The following GNL3L variants were observed in gnomAD, a reference collection of about 807,000 sequenced individuals.
The protein encoded by GNL3L is guanine nucleotide-binding protein-like 3-like protein.
Under a neutral mutation model 42.9 loss-of-function variants are expected in GNL3L, and 4 were observed. The observed-to-expected ratio is 0.09, with a 90% confidence interval of 0.05 to 0.21. The LOEUF (loss-of-function observed/expected upper bound fraction) is 0.21. GNL3L is among the 10% of genes least tolerant of loss of function. The pLI is 1.00. For synonymous variants in GNL3L, 159 were observed against 176.3 expected (o/e 0.90, Z 0.78); for missense variants, 412 against 481.7 (o/e 0.86, Z 1.36).
In GNL3L at chrX:54,552,409, C is replaced by T. The variant is rs773541997; in HGVS notation, c.1299C>T (p.Ala433=). 11 of 1,208,585 alleles carry T rather than the reference C, an allele frequency of 9.1e-6. No individual in the cohort carries two copies. In the South Asian group the frequency reaches 1.8e-4, roughly 19 times the overall value. The change falls in exon 13 of 16, where the codon GCC becomes GCT. Residue 433 remains alanine (A), a synonymous_variant. Transcript: ENST00000360845. ...EVFDIEDTEQ[A]NEDTMECLAT... is the part of the protein sequence containing the mutation. ...TTGACATCGAGGATACTGAGCAGGC[C>T]AATGAAGACACCATGGAATGTAAGT...
chrX:54,640,968 A>G, the GNL3L span, among the ~76,000 whole-genome samples: 1 of 112,072 alleles, frequency 8.9e-6, no homozygotes, highest in East Asian at 2.8e-4. Flanking sequence ...AGCTTGAGCA[A>G]CTGGGTTGGA....
At chrX:54,541,441 C>T (rs145106579) in intron 5 of GNL3L, 52 bp downstream of exon 5, 35 of 738,553 alleles carry the variant, frequency 4.7e-5, no homozygotes, top group Non-Finnish European at 6.9e-5. Flanking sequence ...CATCTTTTGC[C>T]GTTTTTCTGT....
chrX:54,640,768 C>T, the GNL3L span, among the ~76,000 whole-genome samples: 1 of 112,182 alleles, frequency 8.9e-6, no homozygotes, highest in South Asian at 3.7e-4. Flanking sequence ...AAGCCAAGTC[C>T]GAAATCAAAC....
intron 16 of GNL3L, among the ~76,000 whole-genome samples, chrX:54,581,578 G>A (rs1198311370): frequency 8.9e-6 from 1 of 111,749 alleles, no homozygotes; most frequent in East Asian, 2.8e-4. Context: ...CTGTCATTAC[G>A]CCCTCTTTAA....
At position 54,537,661 on chromosome X, in the gene GNL3L, C is replaced by T. The variant is rs753256021; in HGVS notation, c.20-1379C>T. ...AAGAGACAGAGTCTCACTATGTTGC[C>T]TAGGCTGTTCTCGAACTCCTAGGGT... is the stretch of plus-strand genomic sequence containing the variant. On this transcript the variant is annotated intron_variant, in intron 2 of 15. Transcript: ENST00000360845. 2.6e-4 allele frequency among the ~76,000 whole-genome samples: 29 copies of T among 111,449 alleles called. No individual in the cohort carries two copies. In the South Asian group the frequency reaches 4.9e-3, roughly 19 times the overall value.
At chrX:54,569,491 TATC>T (rs200283549), downstream of GNL3L, among the ~76,000 whole-genome samples, 780 of 112,386 alleles carry the variant, frequency 6.9e-3, 9 homozygotes, top group African/African-American at 0.024. Flanking sequence ...AATATCCTCT[TATC>T]ATTTTGTATA....
chrX:54,631,857 A>G, the GNL3L span, among the ~76,000 whole-genome samples: 711 of 110,726 alleles, frequency 6.4e-3, 5 homozygotes, highest in African/African-American at 0.022. Flanking sequence ...TTATTGTTTT[A>G]TAGGCCCTGT....
Position 54,543,305 on chromosome X carries a change from A to G in GNL3L, c.489A>G (p.Gln163=). ...TGGAGGAGGCTGTCCTGCGAGCACA[A>G]GGCAACAAGAAGCTGGTCCTGGTCT... The part of the protein sequence containing the change: ...FQMEEAVLRA[Q]GNKKLVLVLN... Residue 163 remains glutamine, a synonymous_variant, in exon 7 of 16, where the codon CAA becomes CAG. Transcript: ENST00000360845. 8.3e-7 allele frequency: 1 copy of G among 1,210,788 alleles called. No individual in the cohort carries two copies.
In GNL3L at chrX:54,548,287, G is replaced by A. The variant is rs1924831181; in HGVS notation, c.689G>A (p.Cys230Tyr). 1 of 1,200,461 alleles carries A rather than the reference G, an allele frequency of 8.3e-7. No homozygotes were observed. Among genetic ancestry groups the A allele is most frequent in the African/African-American group, 1.8e-5 (1 of 56,819 alleles). The change falls in exon 9 of 16, where the codon TGC (cysteine) becomes TAC (tyrosine). Residue 230 changes from cysteine (C) to tyrosine (Y), a missense_variant. By Grantham distance (194) the Cys-to-Tyr change is radical. Transcript: ENST00000360845. ...GAGTCACTGCTGAAAAGCAAAGCCT[G>A]CTTTGGAGCTGAAAACCTCATGAGG... Reference protein sequence around the residue: ...ASESLLKSKACFGAENLMRVL... With the variant: ...ASESLLKSKAYFGAENLMRVL...
chrX:54,625,298 T>C (rs964772357), downstream of GNL3L, among the ~76,000 whole-genome samples: 4 of 109,686 alleles, frequency 3.6e-5, no homozygotes, highest in Non-Finnish European at 7.6e-5. Context: ...TGTTTTTTTT[T>C]TTTTTTAATA....
chrX:54,624,530 C>T (rs1403368424), downstream of GNL3L, among the ~76,000 whole-genome samples: 2 of 105,626 alleles, frequency 1.9e-5, no homozygotes, highest in Admixed American at 1.0e-4. Flanking sequence ...CTCCGTCTCC[C>T]GGGTTCAAGC....
chrX:54,546,097 G>C (rs957897229), intron 8 of GNL3L, among the ~76,000 whole-genome samples: 1 of 112,535 alleles, frequency 8.9e-6, no homozygotes, highest in South Asian at 3.6e-4. Context: ...CTGGCCTCAA[G>C]TGACCCTCCC....
chrX:54,601,416 G>A (rs1010283981), intron 16 of GNL3L, among the ~76,000 whole-genome samples: 1 of 111,484 alleles, frequency 9.0e-6, no homozygotes, highest in East Asian at 2.8e-4. Context: ...AACTTAACAC[G>A]CTGTATTTCC....
At chrX:54,644,982 G>A in the GNL3L span, among the ~76,000 whole-genome samples, 1 of 111,412 alleles carries the variant, frequency 9.0e-6, no homozygotes, top group Non-Finnish European at 1.9e-5. Context: ...TGTGTTCCTT[G>A]TTAGGTTTAT....
downstream of GNL3L, among the ~76,000 whole-genome samples, chrX:54,624,213 A>G (rs1013191352): frequency 3.6e-5 from 4 of 111,411 alleles, no homozygotes; most frequent in African/African-American, 1.3e-4. Flanking sequence ...GGCTGGGTGC[A>G]GGCATAAGCC....
In GNL3L at chrX:54,598,885, A is replaced by G. The variant is rs955044931; in HGVS notation, c.*46-21960A>G. ...TGAATAACTATAGACTACTTCAAAA[A>G]GATGTAGCATGAACATAATTGGAAT... On this transcript the variant is annotated intron_variant, in intron 16 of 16. Transcript: ENST00000674498. Among the ~76,000 whole-genome samples, 3 of 112,006 alleles carry G rather than the reference A, an allele frequency of 2.7e-5. No homozygotes were observed. The Admixed American group carries it at 2.9e-4, about 11-fold the overall frequency.
chrX:54,602,370 C>T (rs1266529281), intron 16 of GNL3L, among the ~76,000 whole-genome samples: 1 of 111,459 alleles, frequency 9.0e-6, no homozygotes. Flanking sequence ...ATTTGCCACA[C>T]TATAGCCTTT....
chrX:54,597,331 G>A (rs149666295), intron 16 of GNL3L, among the ~76,000 whole-genome samples: 3,048 of 111,423 alleles, frequency 0.027, 108 homozygotes, highest in African/African-American at 0.095. Flanking sequence ...GTCTAGAATT[G>A]TTGTCTGGGA....
chrX:54,602,472 G>A (rs1225359461), intron 16 of GNL3L, among the ~76,000 whole-genome samples: 1 of 110,212 alleles, frequency 9.1e-6, no homozygotes, highest in Non-Finnish European at 1.9e-5. Flanking sequence ...TCATGGAGGA[G>A]GTGCTTTAGA....
Sources: allele counts gnomAD v4.1 joint callset (sites outside exome capture counted in the v4.1 genomes callset), GRCh38; gene constraint gnomAD v4.1.1; transcripts MANE v1.5; gene names NCBI Gene and HGNC (gene_info 2026-07-23, HGNC 2026-07-21).